SPTB: variants seen among roughly 807,000 people sequenced by gnomAD.
SPTB encodes the protein spectrin beta, erythrocytic, also known as spectrin beta chain, erythrocytic.
In SPTB, 45 loss-of-function variants were observed where a neutral mutation model predicts 256.2. The observed-to-expected ratio is 0.18, with a 90% CI of 0.14 to 0.23. The LOEUF (loss-of-function observed/expected upper bound fraction) is 0.23, where lower values mean the gene tolerates loss of function less well. SPTB is among the 10% of genes least tolerant of loss of function. The probability of loss-of-function intolerance (pLI) is 1.00; values close to 1 mark genes in which losing one functional copy is unlikely to be tolerated. For synonymous variants in SPTB, 1,231 were observed against 1,243.1 expected (o/e 0.99, Z 0.21); for missense variants, 2,715 against 3,040.4 (o/e 0.89, Z 2.52).
At chr14:64,856,955 C>G (rs143743301) in intron 1 of SPTB, among the ~76,000 whole-genome samples, 44 of 152,278 alleles carry the variant, frequency 2.9e-4, no homozygotes, top group Non-Finnish European at 5.6e-4. Context: ...CTCTGAGACT[C>G]AAAGAAAATT....
intron 1 of SPTB, among the ~76,000 whole-genome samples, chr14:64,842,718 C>T (rs1403183268): frequency 3.3e-5 from 5 of 152,118 alleles, no homozygotes; most frequent in African/African-American, 9.7e-5. Flanking sequence ...ATTGTTAGCC[C>T]CTTTTGTGCC....
At chr14:64,801,563 GGCATAT>G (rs2082886601) in intron 6 of SPTB, among the ~76,000 whole-genome samples, 163 bp from the exon 7 acceptor site, 1 of 152,114 alleles carries the variant, frequency 6.6e-6, no homozygotes, top group African/African-American at 2.4e-5. Context: ...TGTGAGCCTT[GGCATAT>G]GAGGGAAGTG....
At chr14:64,765,044 G>A (rs1298797141) in intron 32 of SPTB, among the ~76,000 whole-genome samples, 7 of 139,742 alleles carry the variant, frequency 5.0e-5, no homozygotes, top group Middle Eastern at 3.5e-3. Context: ...GTGTGTGTGC[G>A]CGCGCGCGCG....
chr14:64,771,221 C>T, intron 26 of SPTB, 92 bp from the exon 27 acceptor site: 1 of 1,586,432 alleles, frequency 6.3e-7, no homozygotes, highest in Non-Finnish European at 8.6e-7. Context: ...CTCCTCCTGG[C>T]CTCCCTGCCC....
intron 1 of SPTB, among the ~76,000 whole-genome samples, chr14:64,829,571 T>A: frequency 6.6e-6 from 1 of 152,166 alleles, no homozygotes; most frequent in East Asian, 1.9e-4. Flanking sequence ...CTCAAAAAGG[T>A]AGTGGGGGAC....
chr14:64,752,055 G>T (rs868429451), intron 33 of SPTB, among the ~76,000 whole-genome samples: 15 of 151,872 alleles, frequency 9.9e-5, no homozygotes, highest in Middle Eastern at 6.9e-3. Context: ...AATTGAGCCA[G>T]TTCACTCCAG....
At chr14:64,798,521 C>T (rs893990376) in intron 9 of SPTB, among the ~76,000 whole-genome samples, 1 of 152,176 alleles carries the variant, frequency 6.6e-6, no homozygotes, top group African/African-American at 2.4e-5. Flanking sequence ...AGTGTCCACC[C>T]ATTTCTGCAT....
In SPTB at chr14:64,816,807, C is replaced by T. The variant is rs2139680180; in HGVS notation, c.148+6140G>A. Among the ~76,000 whole-genome samples the T allele has an allele frequency of 6.6e-6, 1 of 152,288 alleles. No individual in the cohort carries two copies. The highest frequency in any genetic ancestry group is 1.9e-4 in the East Asian group (1 of 5,168). ...GAAAACACCACCCTTGGCACCTCCTCAGCCAAGAAGCATGTGGGGGACACA... is the reference window on the plus strand; with the variant it reads ...GAAAACACCACCCTTGGCACCTCCTTAGCCAAGAAGCATGTGGGGGACACA... On this transcript the variant is annotated intron_variant, in intron 2 of 35. Coordinates refer to ENST00000644917, the MANE Select transcript of SPTB (RefSeq NM_001355436.2). This position sits in a 1 kb window ranked among gnomAD's most constrained non-coding sequence, Gnocchi z 4.2.
intron 1 of SPTB, among the ~76,000 whole-genome samples, chr14:64,840,229 G>C (rs911922428): frequency 6.6e-6 from 1 of 152,200 alleles, no homozygotes. Flanking sequence ...GATGGGGAAA[G>C]ACTGCCAATG....
chr14:64,867,466 T>C (rs1340464957), intron 1 of SPTB, among the ~76,000 whole-genome samples: 1 of 152,186 alleles, frequency 6.6e-6, no homozygotes, highest in East Asian at 1.9e-4. Flanking sequence ...AAGGAATGTG[T>C]GTCTTCTGGG....
In SPTB at chr14:64,807,951, A is replaced by T. The variant is rs1404014476; in HGVS notation, c.149-2861T>A. Reference sequence around the variant, plus strand: ...ACCCTGCCAGTGCAGGAAGGGGGTGAGTCCACCAGCATGGACTGGCTGACA... The same window carrying T: ...ACCCTGCCAGTGCAGGAAGGGGGTGTGTCCACCAGCATGGACTGGCTGACA... On this transcript the variant is annotated intron_variant, in intron 2 of 35. Transcript: ENST00000644917. This position sits in a 1 kb window ranked among gnomAD's most constrained non-coding sequence, Gnocchi z 4.7. Among the ~76,000 whole-genome samples, 1 of 152,260 alleles carries T rather than the reference A, an allele frequency of 6.6e-6. No homozygotes were observed. The highest frequency in any genetic ancestry group is 2.4e-5 in the African/African-American group (1 of 41,482).
At chr14:64,832,115 T>A (rs549281146) in intron 1 of SPTB, among the ~76,000 whole-genome samples, 1 of 152,246 alleles carries the variant, frequency 6.6e-6, no homozygotes, top group South Asian at 2.1e-4. Flanking sequence ...GAGATAAACA[T>A]AGATACAGTG....
intron 8 of SPTB, 80 bp from the exon 9 acceptor site, chr14:64,800,014 G>A: frequency 6.4e-7 from 1 of 1,560,286 alleles, no homozygotes; most frequent in South Asian, 1.1e-5. Context: ...CACAATCAAG[G>A]TGCCACGAAA....
At chr14:64,803,989 C>G (rs1048532488) in intron 3 of SPTB, among the ~76,000 whole-genome samples, 19 of 152,214 alleles carry the variant, frequency 1.2e-4, no homozygotes, top group African/African-American at 4.1e-4. Context: ...GATCGGTAAC[C>G]AGGCTGCATC....
intron 2 of SPTB, among the ~76,000 whole-genome samples, chr14:64,812,695 C>T (rs1426744631): frequency 1.3e-5 from 2 of 152,056 alleles, no homozygotes; most frequent in Admixed American, 1.3e-4. Context: ...CACCTCCTGA[C>T]GTCACGGGCA....
rs1401469917 is a variant in SPTB at position 64,775,290 on chromosome 14, C to T, written c.4677G>A (p.Leu1559=). Residue 1559 remains leucine, a synonymous_variant, in exon 23 of 36, where the codon CTG becomes CTA. Transcript: ENST00000644917. The surrounding 1 kb of genome is among the most constrained non-coding windows in gnomAD (Gnocchi z 5.0). ...EIDCQDLEER[L]GHLQSSWDRL... Reference sequence around the variant, plus strand: ...TGTCCCAGGAGCTCTGCAGGTGCCCCAGGCGCTCCTCAAGGTCCTGGCAGT... The same window carrying T: ...TGTCCCAGGAGCTCTGCAGGTGCCCTAGGCGCTCCTCAAGGTCCTGGCAGT... 1.9e-6 allele frequency: 3 copies of T among 1,613,320 alleles called. No homozygotes were observed. The highest frequency in any genetic ancestry group is 2.5e-6 in the Non-Finnish European group (3 of 1,179,790).
Position 64,793,728 on chromosome 14 carries a change from C to G in SPTB, c.1935G>C (p.Glu645Asp), listed in dbSNP as rs1316572886. ...TGATCCAGCTCTCAGCCTCATCCAT[C>G]TCCCAGAAGAACTTCCAGAGTCGTT... ...QSKRLWKFFWEMDEAESWIKE... is the reference protein window; with the variant it reads ...QSKRLWKFFWDMDEAESWIKE... The change falls in exon 14 of 36, where the codon GAG (glutamate) becomes GAC (aspartate). Residue 645 changes from glutamate (E) to aspartate (D), a missense_variant. Around this residue, in one of 4 missense-constraint regions of SPTB, gnomAD observed 2,239 missense variants for 2,384.4 expected, o/e 0.94. Transcript: ENST00000644917. The surrounding 1 kb of genome is among the most constrained non-coding windows in gnomAD (Gnocchi z 7.0). The G allele has an allele frequency of 1.2e-6, 2 of 1,614,104 alleles. No individual in the cohort carries two copies. The highest frequency in any genetic ancestry group is 1.7e-6 in the Non-Finnish European group (2 of 1,180,058).
At chr14:64,876,830 A>G (rs1882847223) in intron 1 of SPTB, among the ~76,000 whole-genome samples, 1 of 152,204 alleles carries the variant, frequency 6.6e-6, no homozygotes, top group South Asian at 2.1e-4. Context: ...ATAAAATCTC[A>G]GTAGTTTGGT....
At chr14:64,753,096 TA>T (rs1225207849) in intron 33 of SPTB, among the ~76,000 whole-genome samples, 2 of 152,018 alleles carry the variant, frequency 1.3e-5, no homozygotes, top group Admixed American at 6.5e-5. Context: ...CCTAGACTGG[TA>T]AAAAGCGGGG....
Sources: gnomAD v4.1 joint callset for allele counts (sites outside exome capture counted in the v4.1 genomes callset) on GRCh38, gnomAD v4.1.1 for gene constraint, gnomAD v4.1.1 regional missense constraint, Gnocchi (gnomAD v3.1) non-coding constraint, MANE v1.5 for transcripts, NCBI Gene and HGNC (gene_info 2026-07-23, HGNC 2026-07-21) for gene names.